GRID2: variants seen among roughly 807,000 people sequenced by gnomAD.
GRID2 encodes the protein glutamate receptor ionotropic, delta-2.
GRID2 carries 33 observed loss-of-function variants against 114.8 expected under a neutral mutation model. The observed-to-expected ratio is 0.29, with a 90% CI of 0.22 to 0.38. GRID2 has a LOEUF of 0.38. Ranked by LOEUF, GRID2 falls within the 10% of genes least tolerant of loss-of-function variation. The probability of loss-of-function intolerance (pLI) is 1.00; values close to 1 mark genes in which losing one functional copy is unlikely to be tolerated. For missense variants in GRID2, 1,184 were observed against 1,257.7 expected, an observed-to-expected ratio of 0.94 and a Z score of 0.89; for synonymous variants, 505 against 449.9, an observed-to-expected ratio of 1.12 and a Z score of -1.55.
intron 2 of GRID2, among the ~76,000 whole-genome samples, chr4:92,722,626 T>G (rs78441350): frequency 0.011 from 1,614 of 152,194 alleles, 28 homozygotes; most frequent in African/African-American, 0.037. Context: ...TACCAGAGAC[T>G]TATGACTGTT....
chr4:92,634,224 C>T (rs1579728036), intron 2 of GRID2, among the ~76,000 whole-genome samples: 1 of 152,136 alleles, frequency 6.6e-6, no homozygotes, highest in Middle Eastern at 3.4e-3. Context: ...GGTGGGCCTA[C>T]AGTATTATAA....
Position 92,321,883 on chromosome 4 carries a change from A to T in GRID2, c.88+17139A>T, listed in dbSNP as rs575331271. Among the ~76,000 whole-genome samples the T allele has an allele frequency of 7.2e-5, 11 of 152,256 alleles. No individual in the cohort carries two copies. The East Asian group carries it at 1.5e-3, about 21-fold the overall frequency. On this transcript the variant is annotated intron_variant, in intron 1 of 15. Transcript: ENST00000282020. ...GTCTTTTTCTACTTCCTGGCTGTGAAGTCCTTGGATGAGTGATGGAATTTT... is the reference window on the plus strand; with the variant it reads ...GTCTTTTTCTACTTCCTGGCTGTGATGTCCTTGGATGAGTGATGGAATTTT...
intron 1 of GRID2, among the ~76,000 whole-genome samples, chr4:92,526,921 T>C (rs1725071420): frequency 6.6e-6 from 1 of 152,116 alleles, no homozygotes; most frequent in African/African-American, 2.4e-5. Flanking sequence ...GAATTTATCA[T>C]CATGTAGCCC....
chr4:92,424,759 C>T (rs371749918), intron 1 of GRID2, among the ~76,000 whole-genome samples: 18 of 150,488 alleles, frequency 1.2e-4, no homozygotes, highest in African/African-American at 3.9e-4. Flanking sequence ...GGACAAGCTT[C>T]TAGTTTCTTC....
chr4:92,760,890 T>A (rs965754029), intron 2 of GRID2, among the ~76,000 whole-genome samples: 8 of 152,286 alleles, frequency 5.3e-5, no homozygotes, highest in African/African-American at 1.9e-4. Context: ...ATGATCACAT[T>A]TTGTTGTGAC....
At chr4:93,238,235 AAGT>A in intron 7 of GRID2, 133 bp from the exon 8 acceptor site, 2 of 546,278 alleles carry the variant, frequency 3.7e-6, no homozygotes, top group South Asian at 5.8e-5. Context: ...CTATTTTAAA[AAGT>A]AGTCTGTTAA....
Position 92,623,530 on chromosome 4 carries a change from G to A in GRID2, c.244+33244G>A, listed in dbSNP as rs576161591. Among the ~76,000 whole-genome samples the A allele has an allele frequency of 7.9e-4, 120 of 151,842 alleles. 1 individual carries two copies. The highest frequency in any genetic ancestry group is 1.4e-3 in the Non-Finnish European group (93 of 67,782). On this transcript the variant is annotated intron_variant, in intron 2 of 15. Coordinates refer to ENST00000282020, the MANE Select transcript of GRID2 (RefSeq NM_001510.4). Reference sequence around the variant, plus strand: ...TCTGAAAATATGAAGTTCTCCATCTGTGATCATGTGTGCAATAAGAATTTG... The same window carrying A: ...TCTGAAAATATGAAGTTCTCCATCTATGATCATGTGTGCAATAAGAATTTG...
intron 2 of GRID2, among the ~76,000 whole-genome samples, chr4:92,705,977 A>G (rs886133933): frequency 5.9e-5 from 9 of 152,300 alleles, no homozygotes; most frequent in Admixed American, 3.9e-4. Context: ...TCATTATTAG[A>G]GTGAAACGTT....
At chr4:93,152,506 T>G (rs1225944855) in intron 4 of GRID2, among the ~76,000 whole-genome samples, 1 of 152,094 alleles carries the variant, frequency 6.6e-6, no homozygotes, top group Non-Finnish European at 1.5e-5. Flanking sequence ...TACAAAATAT[T>G]TATAATTAAC....
chr4:92,793,156 T>C (rs1430511344), intron 2 of GRID2, among the ~76,000 whole-genome samples: 1 of 151,804 alleles, frequency 6.6e-6, no homozygotes, highest in African/African-American at 2.4e-5. Flanking sequence ...TTTTCTCCGT[T>C]TTGAATCTTG....
chr4:92,801,941 T>C (rs1281382194), intron 2 of GRID2, among the ~76,000 whole-genome samples: 1 of 151,814 alleles, frequency 6.6e-6, no homozygotes, highest in East Asian at 1.9e-4. Flanking sequence ...GGGCAATCCA[T>C]CTCTGGTGGC....
intron 4 of GRID2, chr4:93,166,155 A>G (rs1251724731): frequency 6.6e-6 from 1 of 152,220 alleles, no homozygotes; most frequent in East Asian, 1.9e-4. Context: ...TTTAAACACT[A>G]ACATACGTGA....
intron 8 of GRID2, among the ~76,000 whole-genome samples, chr4:93,380,204 C>T (rs1002531546): frequency 9.2e-5 from 14 of 151,680 alleles, no homozygotes; most frequent in Non-Finnish European, 1.6e-4. Flanking sequence ...GAAAGACATA[C>T]GGGGATTTAA....
intron 2 of GRID2, among the ~76,000 whole-genome samples, chr4:92,687,182 ATTTT>A (rs146395858): frequency 2.8e-5 from 4 of 142,770 alleles, no homozygotes; most frequent in Non-Finnish European, 6.1e-5. Flanking sequence ...GATTTTTTTG[ATTTT>A]TTTTTTTTTT....
chr4:93,279,628 T>G (rs1284819068), intron 8 of GRID2, among the ~76,000 whole-genome samples: 4 of 151,966 alleles, frequency 2.6e-5, no homozygotes, highest in African/African-American at 9.7e-5. Context: ...GAATTTTAGA[T>G]ATTTCGACTC....
intron 13 of GRID2, among the ~76,000 whole-genome samples, chr4:93,616,524 C>A (rs568088871): frequency 6.9e-6 from 1 of 145,302 alleles, no homozygotes; most frequent in South Asian, 2.2e-4. Context: ...ACAGCCTGGG[C>A]AACAGAATGA....
At chr4:93,302,649 A>G in intron 8 of GRID2, 1 of 453,604 alleles carries the variant, frequency 2.2e-6, no homozygotes, top group Non-Finnish European at 4.4e-6. Flanking sequence ...TGCAAAGGTA[A>G]GTATAAAAAC....
At chr4:93,435,532 C>T (rs1720996648) in intron 10 of GRID2, among the ~76,000 whole-genome samples, 1 of 152,052 alleles carries the variant, frequency 6.6e-6, no homozygotes, top group Non-Finnish European at 1.5e-5. Context: ...AATATTTGGC[C>T]AGGAGTTGCA....
intron 8 of GRID2, among the ~76,000 whole-genome samples, chr4:93,333,698 C>T (rs183558254): frequency 1.6e-4 from 24 of 152,250 alleles, no homozygotes; most frequent in Middle Eastern, 3.4e-3. Context: ...ATCTTTCAGA[C>T]TTAACTTAGA....
Sources: allele counts gnomAD v4.1 joint callset (sites outside exome capture counted in the v4.1 genomes callset), GRCh38; gene constraint gnomAD v4.1.1; transcripts MANE v1.5; gene names NCBI Gene and HGNC (gene_info 2026-07-23, HGNC 2026-07-21).